Variants in SUN5 observed in about 807,000 individuals in gnomAD.
SUN5 encodes the protein SUN domain-containing protein 5.
Under a neutral mutation model 53.7 loss-of-function variants are expected in SUN5, and 44 were observed. The ratio of observed to expected loss-of-function variants is 0.82; its 90% CI spans 0.64 to 1.05. The LOEUF (loss-of-function observed/expected upper bound fraction) is 1.05, where lower values mean the gene tolerates loss of function less well. Among genes scored for constraint, SUN5 ranks in the 50% least tolerant of loss-of-function variants. SUN5 has a pLI of 0.00. For missense variants in SUN5, 433 were observed against 483.8 expected, an observed-to-expected ratio of 0.90 and a Z score of 0.98; for synonymous variants, 166 against 179.8, an observed-to-expected ratio of 0.92 and a Z score of 0.62.
At chr20:32,993,441 G>T (rs1034016238) in intron 8 of SUN5, among the ~76,000 whole-genome samples, 5 of 152,212 alleles carry the variant, frequency 3.3e-5, no homozygotes, top group Non-Finnish European at 2.9e-5. Flanking sequence ...GCTGCTACTG[G>T]TGAAAGAGAA....
chr20:33,001,519 C>CTTTTCT (rs68051515), intron 3 of SUN5, among the ~76,000 whole-genome samples: 1 of 121,324 alleles, frequency 8.2e-6, no homozygotes, highest in African/African-American at 3.5e-5. Flanking sequence ...TTCTTTCTTT[C>CTTTTCT]TTCTTTCTTT....
Position 32,987,779 on chromosome 20 carries a change from T to A in SUN5, c.614-4A>T, listed in dbSNP as rs745991744. On this transcript the variant is annotated splice_polypyrimidine_tract_variant and splice_region_variant and intron_variant, in intron 9 of 12. Coordinates refer to ENST00000356173, the MANE Select transcript of SUN5 (RefSeq NM_080675.4). ...TGCTCAAAGTCAATGCTGGCCCCTG[T>A]ATAGGAGAAGGGGGTCTCAGCCAAG... 38 of 1,609,864 alleles carry A rather than the reference T, an allele frequency of 2.4e-5. No individual in the cohort carries two copies. The highest frequency in any genetic ancestry group is 3.2e-5 in the Non-Finnish European group (38 of 1,178,114).
At chr20:33,003,408 A>T (rs1990106504) in intron 1 of SUN5, among the ~76,000 whole-genome samples, 1 of 152,060 alleles carries the variant, frequency 6.6e-6, no homozygotes, top group South Asian at 2.1e-4. Context: ...CTTCCCCTAG[A>T]CGCCACATTT....
Position 33,001,229 on chromosome 20 carries a change from A to C in SUN5, c.261T>G (p.Val87=), listed in dbSNP as rs1989998640. 1 of 1,576,430 alleles carries C rather than the reference A, an allele frequency of 6.3e-7. No homozygotes were observed. Among genetic ancestry groups the C allele is most frequent in the South Asian group, 1.2e-5 (1 of 86,118 alleles). ...ACSLRTQAQQ[V]LFNTCRCKLL... The stretch of plus-strand genomic sequence containing the variant: ...CTGCTCACCTGCACGTGTTAAACAG[A>C]ACCTGCTGGGCCTGAGTTCTCAGGG... Residue 87 remains valine, a synonymous_variant, in exon 4 of 13, where the codon GTT becomes GTG. Coordinates refer to ENST00000356173, the MANE Select transcript of SUN5 (RefSeq NM_080675.4).
intron 10 of SUN5, 115 bp downstream of exon 10, chr20:32,987,545 G>A (rs977329700): frequency 3.3e-5 from 5 of 151,238 alleles, no homozygotes; most frequent in East Asian, 2.2e-4. Flanking sequence ...CTCTAACCCC[G>A]CCCCTGCCCC....
At chr20:32,990,771 G>C (rs1989691048) in intron 8 of SUN5, among the ~76,000 whole-genome samples, 1 of 152,152 alleles carries the variant, frequency 6.6e-6, no homozygotes, top group African/African-American at 2.4e-5. Context: ...CAGCCTTCAA[G>C]TCTTCCCAGC....
intron 12 of SUN5, 48 bp downstream of exon 12, chr20:32,985,051 C>T (rs1336600723): frequency 6.3e-7 from 1 of 1,585,548 alleles, no homozygotes; most frequent in South Asian, 1.1e-5. Flanking sequence ...ACAGACTGCA[C>T]ACTGTGCATT....
intron 12 of SUN5, among the ~76,000 whole-genome samples, chr20:32,984,272 T>G (rs1158171219): frequency 6.6e-6 from 1 of 152,056 alleles, no homozygotes. Context: ...AATGGTAATA[T>G]CTGCTTCCCA....
intron 4 of SUN5, among the ~76,000 whole-genome samples, 165 bp downstream of exon 4, chr20:33,001,047 G>A (rs1184656874): frequency 6.6e-6 from 1 of 152,198 alleles, no homozygotes; most frequent in African/African-American, 2.4e-5. Flanking sequence ...AGCAATGGGG[G>A]GCCACAGTGG....
At chr20:32,993,132 G>A (rs1221544097) in intron 8 of SUN5, among the ~76,000 whole-genome samples, 2 of 152,144 alleles carry the variant, frequency 1.3e-5, no homozygotes, top group Admixed American at 1.3e-4. Context: ...AACAACAGGA[G>A]CTTCAAAAAT....
At chr20:32,985,949 G>GA (rs745911158) in intron 10 of SUN5, 46 bp from the exon 11 acceptor site, 1 of 1,582,344 alleles carries the variant, frequency 6.3e-7, no homozygotes, top group South Asian at 1.2e-5. Flanking sequence ...TGGGTAGGGG[G>GA]ATCATCCCAC....
At chr20:32,984,281 C>T (rs975083175) in intron 12 of SUN5, among the ~76,000 whole-genome samples, 25 of 152,100 alleles carry the variant, frequency 1.6e-4, no homozygotes, top group African/African-American at 5.8e-4. Flanking sequence ...ATCTGCTTCC[C>T]AGGATTGCGG....
In SUN5 at chr20:32,997,646, C is replaced by T. The variant is rs1568968543; in HGVS notation, c.382G>A (p.Val128Ile). 2.5e-6 allele frequency: 4 copies of T among 1,613,892 alleles called. No homozygotes were observed. The highest frequency in any genetic ancestry group is 1.6e-4 in the Middle Eastern group (1 of 6,084). ...GGAGGGTGCACACTCACCTGCCAGA[C>T]TTTCATTTTCGATGGTAAGTGAATA... ...FSIHLPSKMK[V>I]WQDDSINGPL... The change falls in exon 6 of 13, where the codon GTC (valine) becomes ATC (isoleucine). Residue 128 changes from valine to isoleucine, a missense_variant. Coordinates refer to ENST00000356173, the MANE Select transcript of SUN5 (RefSeq NM_080675.4).
At chr20:32,992,180 T>C (rs780472645) in intron 8 of SUN5, among the ~76,000 whole-genome samples, 31 of 152,218 alleles carry the variant, frequency 2.0e-4, no homozygotes, top group Non-Finnish European at 4.1e-4. Context: ...TTTAGCAGCA[T>C]CCTTGGCTAC....
At chr20:33,001,565 TTCTTC>T (rs1446912029) in intron 3 of SUN5, among the ~76,000 whole-genome samples, 14 of 121,676 alleles carry the variant, frequency 1.2e-4, no homozygotes, top group African/African-American at 3.2e-4. Context: ...TTTCTTTCTT[TTCTTC>T]CTTCCTTCCT....
At chr20:32,996,491 G>C in intron 6 of SUN5, 133 bp from the exon 7 acceptor site, 1 of 670,206 alleles carries the variant, frequency 1.5e-6, no homozygotes. Flanking sequence ...TCTTCCACCC[G>C]TCTACCCACC....
intron 10 of SUN5, among the ~76,000 whole-genome samples, chr20:32,986,171 T>TCAC (rs1426183663): frequency 6.6e-6 from 1 of 151,648 alleles, no homozygotes; most frequent in Non-Finnish European, 1.5e-5. Context: ...ATTCATTCAT[T>TCAC]TACTCACTCA....
intron 5 of SUN5, among the ~76,000 whole-genome samples, chr20:32,997,901 G>GT (rs1989894814): frequency 6.6e-6 from 1 of 152,170 alleles, no homozygotes; most frequent in South Asian, 2.1e-4. Context: ...GATATCAAAT[G>GT]TGTAATACAT....
intron 3 of SUN5, 31 bp from the exon 4 acceptor site, chr20:33,001,309 C>T: frequency 1.3e-6 from 2 of 1,559,266 alleles, no homozygotes; most frequent in Non-Finnish European, 1.7e-6. Flanking sequence ...CAGTGACTCA[C>T]TACGCCCTCA....
Sources: gnomAD v4.1 joint callset for allele counts (sites outside exome capture counted in the v4.1 genomes callset) on GRCh38, gnomAD v4.1.1 for gene constraint, MANE v1.5 for transcripts, NCBI Gene and HGNC (gene_info 2026-07-23, HGNC 2026-07-21) for gene names.